EPG5: variants seen among roughly 807,000 people sequenced by gnomAD.
EPG5 encodes the protein ectopic P granules protein 5 homolog.
Under a neutral mutation model 302.7 loss-of-function variants are expected in EPG5, and 159 were observed. That is an observed-to-expected ratio of 0.53 (90% CI 0.46 to 0.60). The LOEUF (loss-of-function observed/expected upper bound fraction) is 0.60. Ranked by LOEUF, EPG5 falls within the 20% of genes least tolerant of loss-of-function variation. The pLI, the probability that EPG5 is intolerant of heterozygous loss-of-function variation, is 0.00. For synonymous variants in EPG5, 1,158 were observed against 1,136.8 expected (o/e 1.02, Z -0.37); for missense variants, 2,896 against 3,092.4 (o/e 0.94, Z 1.51).
rs1433481588 is a variant in EPG5 at position 45,867,024 on chromosome 18, T to C, written c.6412-17A>G. ...AGGTGAATCCTAAAAATAAAACACA[T>C]ATTCCTTTAGTTCCAGAGCCCCAAT... On this transcript the variant is annotated splice_polypyrimidine_tract_variant and intron_variant, in intron 37 of 43. Coordinates refer to ENST00000282041, the MANE Select transcript of EPG5 (RefSeq NM_020964.3). 2 of 1,603,424 alleles carry C rather than the reference T, an allele frequency of 1.2e-6. No individual in the cohort carries two copies. The highest frequency in any genetic ancestry group is 2.2e-5 in the South Asian group (2 of 90,852).
At chr18:45,858,123 T>C in intron 41 of EPG5, 55 bp from the exon 42 acceptor site, 1 of 1,328,612 alleles carries the variant, frequency 7.5e-7, no homozygotes, top group Non-Finnish European at 1.1e-6. Context: ...CCCACTCCCA[T>C]TTAACTGCAA....
In EPG5 at chr18:45,912,276, A is replaced by C; in HGVS notation, c.3983+14T>G. The C allele has an allele frequency of 1.3e-6, 2 of 1,565,074 alleles. No individual in the cohort carries two copies. Among genetic ancestry groups the C allele is most frequent in the Non-Finnish European group, 1.7e-6 (2 of 1,158,940 alleles). Reference sequence around the variant, plus strand: ...AAATGGACTCACAGAAACCTACAATACTGGGCAGCATACCCATACTGTGGT... The same window carrying C: ...AAATGGACTCACAGAAACCTACAATCCTGGGCAGCATACCCATACTGTGGT... On this transcript the variant is annotated intron_variant, in intron 22 of 43. Transcript: ENST00000282041.
At chr18:45,958,732 A>G (rs990811017) in intron 1 of EPG5, among the ~76,000 whole-genome samples, 1 of 152,240 alleles carries the variant, frequency 6.6e-6, no homozygotes, top group Non-Finnish European at 1.5e-5. Context: ...AAATCTTTAT[A>G]AACTTGGGTA....
chr18:45,966,183 T>TA (rs2051251829), intron 1 of EPG5, among the ~76,000 whole-genome samples: 1 of 150,804 alleles, frequency 6.6e-6, no homozygotes, highest in South Asian at 2.1e-4. Context: ...CCATCCTGGC[T>TA]AACACGGTGA....
At chr18:45,899,284 T>C (rs2049550282) in intron 27 of EPG5, 120 bp downstream of exon 27, 10 of 1,183,582 alleles carry the variant, frequency 8.4e-6, no homozygotes, top group Non-Finnish European at 1.2e-5. Flanking sequence ...CCTGCAAAAC[T>C]AGTAAATGTT....
intron 11 of EPG5, among the ~76,000 whole-genome samples, chr18:45,932,226 A>C (rs139726013): frequency 1.4e-3 from 208 of 152,308 alleles, no homozygotes; most frequent in African/African-American, 4.8e-3. Flanking sequence ...CTCTATAGAA[A>C]AAACAATGGG....
chr18:45,938,461 C>CAAAA (rs201985053), intron 10 of EPG5, among the ~76,000 whole-genome samples: 1 of 88,616 alleles, frequency 1.1e-5, no homozygotes, highest in Admixed American at 1.1e-4. Flanking sequence ...GACTCCATCT[C>CAAAA]AAAAAAAAAA....
intron 1 of EPG5, among the ~76,000 whole-genome samples, chr18:45,966,242 G>C (rs1318531558): frequency 3.3e-5 from 5 of 151,258 alleles, no homozygotes; most frequent in Non-Finnish European, 5.9e-5. Flanking sequence ...CGTGGTGGCA[G>C]GCGCCTGTAG....
At chr18:45,884,559 G>A in intron 30 of EPG5, 58 bp downstream of exon 30, 1 of 1,466,614 alleles carries the variant, frequency 6.8e-7, no homozygotes, top group South Asian at 1.3e-5. Context: ...CTGTAGAGGA[G>A]GAAGCAACAA....
At chr18:45,919,733 C>G (rs994617766) in intron 16 of EPG5, among the ~76,000 whole-genome samples, 4 of 151,782 alleles carry the variant, frequency 2.6e-5, no homozygotes, top group African/African-American at 9.7e-5. Context: ...AGGATGGTCT[C>G]GATCTCCTGA....
chr18:45,885,470 A>G (rs1193671351), intron 29 of EPG5, among the ~76,000 whole-genome samples: 1 of 152,196 alleles, frequency 6.6e-6, no homozygotes, highest in Non-Finnish European at 1.5e-5. Context: ...ATGGTGCTGC[A>G]TTACGTCAGA....
At chr18:45,883,782 T>C (rs75377001) in intron 30 of EPG5, among the ~76,000 whole-genome samples, 2 of 151,424 alleles carry the variant, frequency 1.3e-5, no homozygotes, top group South Asian at 2.1e-4. Context: ...TTTTGATTCA[T>C]AGATGTAACA....
At chr18:45,845,307 G>A (rs2145098683), downstream of EPG5, among the ~76,000 whole-genome samples, 1 of 152,344 alleles carries the variant, frequency 6.6e-6, no homozygotes, top group East Asian at 1.9e-4. Context: ...TGCAGTGAGA[G>A]GCTGTGGGAA....
chr18:45,910,353 C>T (rs986761882), intron 23 of EPG5, among the ~76,000 whole-genome samples, 168 bp downstream of exon 23: 64 of 152,186 alleles, frequency 4.2e-4, no homozygotes, highest in African/African-American at 1.5e-3. Context: ...TCTTGAGGAA[C>T]ATAAAAGAGA....
chr18:45,964,972 T>A (rs1180482963), intron 1 of EPG5, among the ~76,000 whole-genome samples: 1 of 152,020 alleles, frequency 6.6e-6, no homozygotes, highest in African/African-American at 2.4e-5. Context: ...TAAATAAAAT[T>A]CCTGAAATTT....
intron 1 of EPG5, among the ~76,000 whole-genome samples, chr18:45,963,872 G>C (rs187235341): frequency 1.4e-4 from 22 of 152,318 alleles, no homozygotes; most frequent in Admixed American, 2.6e-4. Flanking sequence ...AAAGAGGCCA[G>C]TTTAGAAGAA....
At chr18:45,960,347 A>G (rs973504236) in intron 1 of EPG5, among the ~76,000 whole-genome samples, 2 of 152,172 alleles carry the variant, frequency 1.3e-5, no homozygotes, top group African/African-American at 4.8e-5. Context: ...CAATCACAGC[A>G]TACTGCAGAC....
intron 38 of EPG5, among the ~76,000 whole-genome samples, chr18:45,866,363 C>A (rs1033551087): frequency 1.3e-5 from 2 of 152,072 alleles, no homozygotes; most frequent in Non-Finnish European, 1.5e-5. Context: ...TCAGGTGATC[C>A]GCCCACCTTG....
At chr18:45,854,419 G>T (rs1323224112) in intron 43 of EPG5, among the ~76,000 whole-genome samples, 1 of 152,220 alleles carries the variant, frequency 6.6e-6, no homozygotes, top group African/African-American at 2.4e-5. Flanking sequence ...TACAGAGACA[G>T]CCCTGCAGAG....
Sources: allele counts gnomAD v4.1 joint callset (sites outside exome capture counted in the v4.1 genomes callset), GRCh38; gene constraint gnomAD v4.1.1; transcripts MANE v1.5; gene names NCBI Gene and HGNC (gene_info 2026-07-23, HGNC 2026-07-21).